Variants in GRM5 observed in about 807,000 individuals in gnomAD.
GRM5 encodes the protein glutamate metabotropic receptor 5.
Under a neutral mutation model 83.1 loss-of-function variants are expected in GRM5, and 19 were observed. The ratio of observed to expected loss-of-function variants is 0.23; its 90% CI spans 0.16 to 0.34. The LOEUF is 0.34. Among genes scored for constraint, GRM5 ranks in the 10% least tolerant of loss-of-function variants. The pLI, the probability that GRM5 is intolerant of heterozygous loss-of-function variation, is 1.00. For missense variants in GRM5, 1,160 were observed against 1,588.3 expected (o/e 0.73, Z 4.58); for synonymous variants, 675 against 633.6 (o/e 1.07, Z -0.98).
chr11:88,924,134 C>CAAAAAAAAAAAA (rs59939060), intron 2 of GRM5, among the ~76,000 whole-genome samples: 1 of 146,842 alleles, frequency 6.8e-6, no homozygotes, highest in Non-Finnish European at 1.5e-5. Flanking sequence ...TAGCTATAAT[C>CAAAAAAAAAAAA]AAAAAAAAAA....
At chr11:88,811,858 C>A (rs1314719157) in intron 3 of GRM5, among the ~76,000 whole-genome samples, 1 of 152,048 alleles carries the variant, frequency 6.6e-6, no homozygotes, top group Non-Finnish European at 1.5e-5. Flanking sequence ...CCAACTTACC[C>A]AGAGCTCAGT....
chr11:88,639,371 T>C (rs970141401), intron 4 of GRM5, among the ~76,000 whole-genome samples: 1 of 152,170 alleles, frequency 6.6e-6, no homozygotes, highest in African/African-American at 2.4e-5. Flanking sequence ...TTTCTCACTT[T>C]AGAAGGGTCA....
rs548170768 is a variant in GRM5 at position 88,994,334 on chromosome 11, C to T, written c.661+52878G>A. ...AAGCAATCTACACATTAAATGCAAT[C>T]CCTATCAAAATTCCAATAGCATTTT... is the stretch of plus-strand genomic sequence containing the variant. On this transcript the variant is annotated intron_variant, in intron 2 of 9. Coordinates refer to ENST00000305447, the MANE Select transcript of GRM5 (RefSeq NM_001143831.3). Among the ~76,000 whole-genome samples, 10 of 151,632 alleles carry T rather than the reference C, an allele frequency of 6.6e-5. No individual in the cohort carries two copies. The East Asian group carries it at 1.5e-3, about 23-fold the overall frequency.
At chr11:88,873,389 C>A (rs557017907) in intron 2 of GRM5, among the ~76,000 whole-genome samples, 1 of 151,502 alleles carries the variant, frequency 6.6e-6, no homozygotes, top group South Asian at 2.1e-4. Context: ...GAAATATTCA[C>A]GTAACAGCCT....
chr11:88,801,646 G>T (rs1943396382), intron 3 of GRM5, among the ~76,000 whole-genome samples: 1 of 152,090 alleles, frequency 6.6e-6, no homozygotes, highest in African/African-American at 2.4e-5. Context: ...AGTGTATTAA[G>T]AGGACAATGT....
chr11:88,545,454 G>C (rs896782874), intron 8 of GRM5, among the ~76,000 whole-genome samples: 5 of 147,562 alleles, frequency 3.4e-5, no homozygotes, highest in Non-Finnish European at 6.0e-5. Context: ...AATGCAGTTG[G>C]CCCCCCCTCC....
At chr11:88,906,341 T>A (rs4753770) in intron 2 of GRM5, among the ~76,000 whole-genome samples, 15,855 of 152,152 alleles carry the variant, frequency 0.1, 1,301 homozygotes, top group African/African-American at 0.2. Context: ...AGATTATTAC[T>A]TTATTAGCCC....
intron 3 of GRM5, among the ~76,000 whole-genome samples, chr11:88,740,026 T>G (rs1308857607): frequency 6.6e-6 from 1 of 152,126 alleles, no homozygotes; most frequent in Non-Finnish European, 1.5e-5. Context: ...GACACTGATT[T>G]GTCTCATTAT....
intron 2 of GRM5, among the ~76,000 whole-genome samples, chr11:88,931,265 T>C (rs889695368): frequency 6.6e-6 from 1 of 151,864 alleles, no homozygotes; most frequent in Non-Finnish European, 1.5e-5. Flanking sequence ...ACAAATATTT[T>C]ATGTACTTTG....
intron 3 of GRM5, among the ~76,000 whole-genome samples, chr11:88,810,106 C>T (rs908886856): frequency 2.6e-5 from 4 of 151,910 alleles, no homozygotes; most frequent in African/African-American, 9.7e-5. Flanking sequence ...AATATGATGA[C>T]TTTCATTATT....
chr11:88,869,855 T>A (rs1159881522), intron 2 of GRM5, among the ~76,000 whole-genome samples: 2 of 151,564 alleles, frequency 1.3e-5, no homozygotes, highest in Admixed American at 1.3e-4. Context: ...GGTAAATCTG[T>A]CAGTATAAAA....
intron 3 of GRM5, among the ~76,000 whole-genome samples, 167 bp downstream of exon 3, chr11:88,849,739 A>G (rs1184614810): frequency 6.6e-6 from 1 of 152,092 alleles, no homozygotes; most frequent in Non-Finnish European, 1.5e-5. Flanking sequence ...GGATCTACTT[A>G]TTTTCCATGA....
At chr11:88,857,611 A>G (rs1383322888) in intron 2 of GRM5, among the ~76,000 whole-genome samples, 2 of 152,020 alleles carry the variant, frequency 1.3e-5, no homozygotes, top group Non-Finnish European at 2.9e-5. Flanking sequence ...CTTTTGTTTG[A>G]TGCCATTTTT....
intron 2 of GRM5, among the ~76,000 whole-genome samples, chr11:88,993,514 G>C (rs1485583083): frequency 6.6e-6 from 1 of 152,068 alleles, no homozygotes; most frequent in Non-Finnish European, 1.5e-5. Flanking sequence ...AATATAGTTT[G>C]AAATCAAGGA....
intron 3 of GRM5, among the ~76,000 whole-genome samples, chr11:88,814,548 G>A (rs1385879579): frequency 6.6e-6 from 1 of 152,150 alleles, no homozygotes; most frequent in Non-Finnish European, 1.5e-5. Flanking sequence ...GAAGACTATT[G>A]CCTCTGCAGT....
intron 2 of GRM5, among the ~76,000 whole-genome samples, chr11:88,935,596 A>T (rs1189817130): frequency 6.6e-6 from 1 of 151,932 alleles, no homozygotes; most frequent in Non-Finnish European, 1.5e-5. Context: ...CCCATTAGGA[A>T]GAGTGTGATG....
At chr11:89,004,360 T>G (rs1940467701) in intron 2 of GRM5, among the ~76,000 whole-genome samples, 1 of 152,206 alleles carries the variant, frequency 6.6e-6, no homozygotes, top group Admixed American at 6.5e-5. Flanking sequence ...TCTCTAATAT[T>G]GACATTTATA....
intron 2 of GRM5, among the ~76,000 whole-genome samples, chr11:89,009,900 CAAAAAA>C (rs758398638): frequency 5.1e-4 from 11 of 21,684 alleles, no homozygotes; most frequent in Admixed American, 1.7e-3. Flanking sequence ...GACTCCGTCT[CAAAAAA>C]AAAAAAAAAA....
intron 3 of GRM5, among the ~76,000 whole-genome samples, chr11:88,734,985 G>A (rs1941882893): frequency 6.6e-6 from 1 of 151,914 alleles, no homozygotes; most frequent in South Asian, 2.1e-4. Flanking sequence ...AAATAAATAA[G>A]TTCTCTAATC....
Sources: allele counts gnomAD v4.1 joint callset (sites outside exome capture counted in the v4.1 genomes callset), GRCh38; gene constraint gnomAD v4.1.1; transcripts MANE v1.5; gene names NCBI Gene and HGNC (gene_info 2026-07-23, HGNC 2026-07-21).